GFRA1: variants seen among roughly 807,000 people sequenced by gnomAD.
GFRA1 encodes the protein GDNF family receptor alpha 1, also known as GDNF family receptor alpha-1.
Under a neutral mutation model 51.6 loss-of-function variants are expected in GFRA1, and 16 were observed. The ratio of observed to expected loss-of-function variants is 0.31; its 90% CI spans 0.21 to 0.47. GFRA1 has a LOEUF of 0.47. Ranked by LOEUF, GFRA1 falls within the 20% of genes least tolerant of loss-of-function variation. The probability of loss-of-function intolerance (pLI) is 1.00; values close to 1 mark genes in which losing one functional copy is unlikely to be tolerated. For synonymous variants in GFRA1, 270 were observed against 241.3 expected (o/e 1.12, Z -1.10); for missense variants, 530 against 594.3 (o/e 0.89, Z 1.13).
At chr10:116,100,319 C>T (rs1213080312) in intron 6 of GFRA1, among the ~76,000 whole-genome samples, 2 of 152,186 alleles carry the variant, frequency 1.3e-5, no homozygotes, top group African/African-American at 4.8e-5. Context: ...CCAATCAAGC[C>T]CATTTTACAG....
intron 4 of GFRA1, among the ~76,000 whole-genome samples, chr10:116,232,063 C>T (rs1387468086): frequency 2.6e-5 from 4 of 152,190 alleles, no homozygotes; most frequent in Admixed American, 2.6e-4. Flanking sequence ...CAATGGCTTA[C>T]ATTCTCTTCT....
At chr10:116,116,232 T>TG (rs1205477408) in intron 6 of GFRA1, among the ~76,000 whole-genome samples, 1 of 152,158 alleles carries the variant, frequency 6.6e-6, no homozygotes, top group Non-Finnish European at 1.5e-5. Context: ...GTAGTTGGGA[T>TG]TACAGGTGCA....
chr10:116,256,956 C>T (rs1345142693), intron 4 of GFRA1, among the ~76,000 whole-genome samples: 4 of 128,448 alleles, frequency 3.1e-5, no homozygotes, highest in African/African-American at 1.1e-4. Context: ...TGAGCCACTG[C>T]TCCCAAGCGA....
chr10:116,083,320 T>C (rs1204426804), intron 9 of GFRA1, among the ~76,000 whole-genome samples: 1 of 152,232 alleles, frequency 6.6e-6, no homozygotes, highest in Admixed American at 6.5e-5. Flanking sequence ...CTCGCTTCTA[T>C]CTTCCCAGGC....
At chr10:116,160,138 CCTTTTGGTTTTTGT>C (rs1006773804) in intron 5 of GFRA1, among the ~76,000 whole-genome samples, 14 of 152,228 alleles carry the variant, frequency 9.2e-5, no homozygotes, top group African/African-American at 2.2e-4. Context: ...GATATAAAAG[CCTTTTGGTTTTTGT>C]CTTTTGGTTT....
chr10:116,166,486 C>CT (rs1377382252), intron 5 of GFRA1, among the ~76,000 whole-genome samples: 1 of 152,212 alleles, frequency 6.6e-6, no homozygotes, highest in Non-Finnish European at 1.5e-5. Context: ...TCTCTTGCAT[C>CT]TTCAACACAT....
At chr10:116,089,511 A>G (rs948936527) in intron 9 of GFRA1, among the ~76,000 whole-genome samples, 1 of 152,168 alleles carries the variant, frequency 6.6e-6, no homozygotes. Context: ...AGGGCCAGAA[A>G]CAAGCCACAC....
At chr10:116,117,405 G>A (rs773974433) in intron 6 of GFRA1, among the ~76,000 whole-genome samples, 2 of 152,146 alleles carry the variant, frequency 1.3e-5, no homozygotes, top group East Asian at 3.9e-4. Context: ...ATAGCACTTT[G>A]TCCCTTCCTG....
In GFRA1 at chr10:116,135,531, T is replaced by C. The variant is rs555143839; in HGVS notation, c.434-9974A>G. The stretch of plus-strand genomic sequence containing the variant: ...GTATTAAGATGGCACAATTTAGTTA[T>C]TTCTAAAATATGCATGTCTCCCATT... On this transcript the variant is annotated intron_variant, in intron 5 of 10. Transcript: ENST00000355422. Among the ~76,000 whole-genome samples the C allele has an allele frequency of 4.6e-5, 7 of 152,356 alleles. No homozygotes were observed. The South Asian group carries it at 1.5e-3, about 32-fold the overall frequency.
chr10:116,098,817 A>G (rs887543413), intron 6 of GFRA1, among the ~76,000 whole-genome samples: 1 of 152,200 alleles, frequency 6.6e-6, no homozygotes, highest in Non-Finnish European at 1.5e-5. Context: ...TTGACTCACA[A>G]TTGGACTCTG....
At chr10:116,089,387 G>A (rs1484033178) in intron 9 of GFRA1, among the ~76,000 whole-genome samples, 5 of 152,182 alleles carry the variant, frequency 3.3e-5, no homozygotes, top group Non-Finnish European at 7.3e-5. Flanking sequence ...CTGCTTTGCA[G>A]AGAACACAGA....
chr10:116,109,271 G>T (rs1392378993), intron 6 of GFRA1, among the ~76,000 whole-genome samples: 1 of 152,134 alleles, frequency 6.6e-6, no homozygotes, highest in Non-Finnish European at 1.5e-5. Flanking sequence ...CACTGAAAAA[G>T]AATTAATGTT....
intron 5 of GFRA1, among the ~76,000 whole-genome samples, 190 bp from the exon 6 acceptor site, chr10:116,125,747 A>G (rs893277028): frequency 5.9e-5 from 9 of 152,370 alleles, no homozygotes; most frequent in African/African-American, 2.2e-4. Context: ...CCAGGAGTCT[A>G]CGGCAGCACA....
At chr10:116,086,517 G>C (rs1441093388) in intron 9 of GFRA1, among the ~76,000 whole-genome samples, 1 of 152,210 alleles carries the variant, frequency 6.6e-6, no homozygotes, top group Non-Finnish European at 1.5e-5. Context: ...ACAAGAGCAG[G>C]GTCTGAAATG....
intron 4 of GFRA1, among the ~76,000 whole-genome samples, chr10:116,261,046 T>G (rs571369571): frequency 2.0e-5 from 3 of 152,314 alleles, no homozygotes; most frequent in South Asian, 2.1e-4. Context: ...AATTAACCCT[T>G]GTTCCAAAAC....
chr10:116,149,995 T>TG (rs1230477241), intron 5 of GFRA1, among the ~76,000 whole-genome samples: 1 of 152,212 alleles, frequency 6.6e-6, no homozygotes, highest in African/African-American at 2.4e-5. Flanking sequence ...TAATATTTGC[T>TG]GATGGCTTAC....
intron 4 of GFRA1, among the ~76,000 whole-genome samples, chr10:116,264,644 TAGA>T (rs1258920186): frequency 1.3e-5 from 2 of 152,176 alleles, no homozygotes; most frequent in Non-Finnish European, 2.9e-5. Context: ...AAAGAACTGA[TAGA>T]AGATTTCTAA....
chr10:116,138,156 T>C (rs1036001363), intron 5 of GFRA1, among the ~76,000 whole-genome samples: 15 of 152,142 alleles, frequency 9.9e-5, no homozygotes, highest in Non-Finnish European at 1.6e-4. Flanking sequence ...TCCTGTCCCA[T>C]TGGGTTAATA....
At chr10:116,264,586 G>T (rs1038910910) in intron 4 of GFRA1, among the ~76,000 whole-genome samples, 9 of 152,206 alleles carry the variant, frequency 5.9e-5, no homozygotes, top group Admixed American at 5.9e-4. Flanking sequence ...TGCCTGTTTG[G>T]GGGGATTCCA....
Sources: allele counts gnomAD v4.1 joint callset (sites outside exome capture counted in the v4.1 genomes callset), GRCh38; gene constraint gnomAD v4.1.1; transcripts MANE v1.5; gene names NCBI Gene and HGNC (gene_info 2026-07-23, HGNC 2026-07-21).